Variants in RAPH1 observed in about 807,000 individuals in gnomAD.
RAPH1 encodes the protein ras-associated and pleckstrin homology domains-containing protein 1.
A neutral mutation model predicts 88.1 loss-of-function variants in RAPH1; 18 were observed. That is an observed-to-expected ratio of 0.20 (90% confidence interval 0.14 to 0.30). The LOEUF (loss-of-function observed/expected upper bound fraction) is 0.30. Ranked by LOEUF, RAPH1 falls within the 10% of genes least tolerant of loss-of-function variation. The pLI is 1.00. For missense variants in RAPH1, 1,448 were observed against 1,543.2 expected (o/e 0.94, Z 1.03); for synonymous variants, 587 against 559.0 (o/e 1.05, Z -0.71).
At chr2:203,489,003 A>T (rs1236197993) in intron 4 of RAPH1, among the ~76,000 whole-genome samples, 1 of 152,134 alleles carries the variant, frequency 6.6e-6, no homozygotes, top group Non-Finnish European at 1.5e-5. Flanking sequence ...GAGCGCCTGT[A>T]ATCCCAGCTA....
intron 1 of RAPH1, among the ~76,000 whole-genome samples, chr2:203,523,554 A>G (rs2105976934): frequency 6.6e-6 from 1 of 152,304 alleles, no homozygotes; most frequent in Non-Finnish European, 1.5e-5. Context: ...GTAAAAGCTA[A>G]AATTATAAAC....
At chr2:203,497,805 T>TA (rs1323374278) in intron 1 of RAPH1, among the ~76,000 whole-genome samples, 3 of 152,190 alleles carry the variant, frequency 2.0e-5, no homozygotes, top group Non-Finnish European at 4.4e-5. Context: ...TTTGTAACAA[T>TA]ATTATTTCTA....
chr2:203,533,658 G>A (rs182497451), intron 1 of RAPH1, among the ~76,000 whole-genome samples: 1 of 151,662 alleles, frequency 6.6e-6, no homozygotes, highest in Non-Finnish European at 1.5e-5. Context: ...TCTCTTCTTC[G>A]CTCTCCTATT....
At chr2:203,534,405 C>T (rs1690517647) in intron 1 of RAPH1, among the ~76,000 whole-genome samples, 1 of 151,642 alleles carries the variant, frequency 6.6e-6, no homozygotes, top group Non-Finnish European at 1.5e-5. Flanking sequence ...CCAGCTCACA[C>T]AGTGGGGACA....
intron 4 of RAPH1, among the ~76,000 whole-genome samples, chr2:203,477,967 C>T (rs1014228512): frequency 6.6e-5 from 10 of 152,144 alleles, no homozygotes; most frequent in African/African-American, 2.2e-4. Flanking sequence ...CAATTTCTTC[C>T]CTAAAGCCTT....
At chr2:203,482,492 T>C (rs1028368702) in intron 4 of RAPH1, among the ~76,000 whole-genome samples, 5 of 152,216 alleles carry the variant, frequency 3.3e-5, no homozygotes, top group African/African-American at 1.2e-4. Flanking sequence ...ACCTTACCTA[T>C]TCCTTTAAAT....
chr2:203,466,455 A>G (rs2098528544), intron 4 of RAPH1, among the ~76,000 whole-genome samples: 1 of 152,226 alleles, frequency 6.6e-6, no homozygotes, highest in African/African-American at 2.4e-5. Flanking sequence ...AGGAAAAATA[A>G]ATGTTTGCTG....
intron 1 of RAPH1, among the ~76,000 whole-genome samples, chr2:203,502,707 C>T (rs1259308558): frequency 2.6e-5 from 4 of 151,466 alleles, no homozygotes; most frequent in African/African-American, 4.9e-5. Context: ...GTAGTCCTAG[C>T]TACTCGGGAG....
intron 4 of RAPH1, among the ~76,000 whole-genome samples, chr2:203,464,167 A>G (rs570634476): frequency 6.8e-4 from 104 of 152,206 alleles, no homozygotes; most frequent in Non-Finnish European, 1.4e-3. Context: ...TTACCAAGGT[A>G]TATTTGCAGG....
At chr2:203,534,906 C>T (rs1690547462) in intron 1 of RAPH1, among the ~76,000 whole-genome samples, 1 of 152,200 alleles carries the variant, frequency 6.6e-6, no homozygotes, top group African/African-American at 2.4e-5. Context: ...CGACCTCCAT[C>T]CACCAGCCGG....
chr2:203,529,036 A>T (rs1690266762), intron 1 of RAPH1, among the ~76,000 whole-genome samples: 1 of 84,620 alleles, frequency 1.2e-5, no homozygotes, highest in Admixed American at 1.7e-4. Flanking sequence ...TTTTTGAGAC[A>T]GGGTCTCACT....
intron 10 of RAPH1, among the ~76,000 whole-genome samples, chr2:203,452,165 A>G (rs1002496201): frequency 2.6e-5 from 4 of 152,190 alleles, no homozygotes; most frequent in Non-Finnish European, 5.9e-5. Flanking sequence ...TACTGTTTTC[A>G]TGTTATGAGA....
intron 1 of RAPH1, among the ~76,000 whole-genome samples, chr2:203,500,030 T>C (rs1688672416): frequency 6.6e-6 from 1 of 152,182 alleles, no homozygotes; most frequent in Non-Finnish European, 1.5e-5. Flanking sequence ...GAGTGCTCAA[T>C]GTTCCAAAGA....
At chr2:203,482,194 A>C (rs1298062590) in intron 4 of RAPH1, among the ~76,000 whole-genome samples, 2 of 151,762 alleles carry the variant, frequency 1.3e-5, no homozygotes, top group Non-Finnish European at 2.9e-5. Flanking sequence ...ATTTTATTTT[A>C]TTTTACTTTT....
At chr2:203,511,422 G>A (rs1689336625) in intron 1 of RAPH1, among the ~76,000 whole-genome samples, 1 of 152,118 alleles carries the variant, frequency 6.6e-6, no homozygotes. Context: ...CTTCAGAAGA[G>A]TATTTTAATA....
At chr2:203,506,812 C>CTATATCTCTATA in intron 1 of RAPH1, among the ~76,000 whole-genome samples, 2 of 52,214 alleles carry the variant, frequency 3.8e-5, no homozygotes, top group East Asian at 3.8e-4. Context: ...ATATCTATAT[C>CTATATCTCTATA]TATATATCTA....
At position 203,484,105 on chromosome 2, in the gene RAPH1, C is replaced by G. The variant is rs1031181053; in HGVS notation, c.732+5479G>C. Among the ~76,000 whole-genome samples, 4 of 152,086 alleles carry G rather than the reference C, an allele frequency of 2.6e-5. No individual in the cohort carries two copies. The South Asian group carries it at 8.3e-4, about 32-fold the overall frequency. The stretch of plus-strand genomic sequence containing the variant: ...TCTATCTCTCTGGAGAAATATAATA[C>G]ACAATTAGACATCCAAATAGAGATA... On this transcript the variant is annotated intron_variant, in intron 4 of 13. Coordinates refer to ENST00000319170, the MANE Select transcript of RAPH1 (RefSeq NM_213589.3).
intron 1 of RAPH1, among the ~76,000 whole-genome samples, chr2:203,517,494 CA>C (rs1199943267): frequency 6.6e-6 from 1 of 151,520 alleles, no homozygotes; most frequent in Non-Finnish European, 1.5e-5. Flanking sequence ...TAGTTGAACT[CA>C]ATAACACCAT....
At chr2:203,526,815 C>T (rs1319167292) in intron 1 of RAPH1, among the ~76,000 whole-genome samples, 4 of 148,464 alleles carry the variant, frequency 2.7e-5, no homozygotes, top group Admixed American at 6.7e-5. Flanking sequence ...GACAGAGTCT[C>T]GCTCTGTCAC....
Sources: gnomAD v4.1 joint callset for allele counts (sites outside exome capture counted in the v4.1 genomes callset) on GRCh38, gnomAD v4.1.1 for gene constraint, MANE v1.5 for transcripts, NCBI Gene and HGNC (gene_info 2026-07-23, HGNC 2026-07-21) for gene names.